Variants in TRIM14 observed in about 807,000 individuals in gnomAD.
TRIM14 encodes tripartite motif-containing protein 14.
TRIM14 carries 28 observed loss-of-function variants against 44.5 expected under a neutral mutation model. The ratio of observed to expected loss-of-function variants is 0.63; its 90% CI spans 0.47 to 0.86. TRIM14 has a LOEUF of 0.86. Among genes scored for constraint, TRIM14 ranks in the 40% least tolerant of loss-of-function variants. The probability of loss-of-function intolerance (pLI) is 0.00; values close to 1 mark genes in which losing one functional copy is unlikely to be tolerated. For missense variants in TRIM14, 607 were observed against 611.1 expected (o/e 0.99, Z 0.07); for synonymous variants, 299 against 269.2 (o/e 1.11, Z -1.08).
intron 4 of TRIM14, chr9:98,092,597 T>C (rs1257224148): frequency 8.3e-6 from 2 of 239,950 alleles, no homozygotes; most frequent in Non-Finnish European, 8.9e-6. Context: ...TAAATCAAGT[T>C]TTGCCTAAAG....
intron 5 of TRIM14, 22 bp from the exon 6 acceptor site, chr9:98,088,027 A>T (rs1372593661): frequency 7.4e-6 from 11 of 1,479,630 alleles, no homozygotes; most frequent in Non-Finnish European, 8.9e-6. Context: ...GAGACAAGGG[A>T]CGCACCTGGT....
chr9:98,042,698 C>T, the TRIM14 span, among the ~76,000 whole-genome samples: 3 of 151,980 alleles, frequency 2.0e-5, no homozygotes, highest in Non-Finnish European at 2.9e-5. Flanking sequence ...GGTGAAACCC[C>T]GTCTCTACTA....
intron 6 of TRIM14, among the ~76,000 whole-genome samples, chr9:98,072,280 C>T (rs544196741): frequency 6.6e-6 from 1 of 152,340 alleles, no homozygotes; most frequent in East Asian, 1.9e-4. Flanking sequence ...GATGGCTGTT[C>T]TGTGACTCAG....
chr9:98,076,966 G>C, intron 6 of TRIM14: 1 of 1,610,884 alleles, frequency 6.2e-7, no homozygotes, highest in Non-Finnish European at 8.5e-7. Context: ...TTTCAAAGTT[G>C]GATCTGGAGA....
intron 4 of TRIM14, among the ~76,000 whole-genome samples, chr9:98,092,223 T>C (rs899036639): frequency 2.0e-5 from 3 of 152,154 alleles, no homozygotes; most frequent in African/African-American, 7.2e-5. Flanking sequence ...GAACAACTAC[T>C]GGATCCAACA....
chr9:98,104,925 C>G (rs1368227445), intron 2 of TRIM14, among the ~76,000 whole-genome samples: 2 of 149,434 alleles, frequency 1.3e-5, no homozygotes, highest in Non-Finnish European at 3.0e-5. Context: ...GGATGCACCA[C>G]CAGGGAAAGA....
In TRIM14 at chr9:98,095,221, G is replaced by A. The variant is rs1183467583; in HGVS notation, c.538-192C>T. Among the ~76,000 whole-genome samples the A allele has an allele frequency of 6.6e-6, 1 of 152,252 alleles. No individual in the cohort carries two copies. Among genetic ancestry groups the A allele is most frequent in the Non-Finnish European group, 1.5e-5 (1 of 68,036 alleles). On this transcript the variant is annotated intron_variant, in intron 3 of 5. Coordinates refer to ENST00000341469, the MANE Select transcript of TRIM14 (RefSeq NM_014788.4). The surrounding 1 kb of genome is among the most constrained non-coding windows in gnomAD (Gnocchi z 4.1). The stretch of plus-strand genomic sequence containing the variant: ...ACCATACGGCATCCCTGAGGTGGGA[G>A]CCATGCGGAGGTGCGGTTTTTCAGT...
downstream of TRIM14, chr9:98,081,722 C>G (rs1829871394): frequency 6.6e-6 from 1 of 152,334 alleles, no homozygotes; most frequent in African/African-American, 2.4e-5. Flanking sequence ...CCTGGGGCTG[C>G]CAGGCACACA....
downstream of TRIM14, among the ~76,000 whole-genome samples, chr9:98,069,014 T>C (rs973856677): frequency 5.3e-5 from 8 of 152,200 alleles, no homozygotes; most frequent in African/African-American, 1.9e-4. Flanking sequence ...ATTCAACCAC[T>C]TAACATAGAC....
intron 6 of TRIM14, chr9:98,077,081 C>T: frequency 8.5e-7 from 1 of 1,180,610 alleles, no homozygotes; most frequent in Non-Finnish European, 1.2e-6. Context: ...TTACTCCCCT[C>T]ATGGTGGCCC....
rs1825740685 is a variant in TRIM14 at position 98,085,453 on chromosome 9, A to G, written c.*2017T>C. The G allele has an allele frequency of 6.6e-6, 1 of 152,212 alleles. No individual in the cohort carries two copies. The highest frequency in any genetic ancestry group is 2.1e-4 in the South Asian group (1 of 4,834). The allele number at this position is 152,212 out of a possible 1,614,324, so 9.4% of individuals were successfully genotyped here. The stretch of plus-strand genomic sequence containing the variant: ...CAGATGAGTTTAGTCGTAAAGCATT[A>G]AAACAGTGCATTATAAACTATTAAG... On this transcript the variant is annotated 3_prime_UTR_variant, in exon 6 of 6. Transcript: ENST00000341469.
chr9:98,047,432 A>G, the TRIM14 span, among the ~76,000 whole-genome samples: 1 of 152,140 alleles, frequency 6.6e-6, no homozygotes, highest in Middle Eastern at 3.2e-3. Context: ...AAAGATACCC[A>G]AAAAGATATT....
the TRIM14 span, chr9:98,056,928 C>A: frequency 6.2e-7 from 1 of 1,600,868 alleles, no homozygotes; most frequent in East Asian, 2.3e-5. Flanking sequence ...AGCGCATGAT[C>A]CGCATGGCCA....
At chr9:98,088,763 A>G (rs1248779789) in intron 5 of TRIM14, among the ~76,000 whole-genome samples, 2 of 152,232 alleles carry the variant, frequency 1.3e-5, no homozygotes, top group Non-Finnish European at 2.9e-5. Context: ...TCTGTAGAAT[A>G]TACTCCTAAA....
At chr9:98,078,752 T>C (rs1409159593) in intron 6 of TRIM14, among the ~76,000 whole-genome samples, 1 of 150,580 alleles carries the variant, frequency 6.6e-6, no homozygotes, top group Non-Finnish European at 1.5e-5. Context: ...GGAGAATCGC[T>C]TGAATTCAGG....
chr9:98,061,140 A>G, the TRIM14 span: 1 of 728,028 alleles, frequency 1.4e-6, no homozygotes, highest in Non-Finnish European at 2.3e-6. Context: ...CAGGCGCCAA[A>G]GCCCAGTGAG....
chr9:98,035,933 G>A, the TRIM14 span, among the ~76,000 whole-genome samples: 4 of 152,296 alleles, frequency 2.6e-5, no homozygotes, highest in South Asian at 4.1e-4. Flanking sequence ...CTTGTAGGCC[G>A]GGTGTGGTGG....
chr9:98,074,844 G>C (rs112708106), intron 6 of TRIM14: 6 of 152,152 alleles, frequency 3.9e-5, no homozygotes, highest in Non-Finnish European at 5.9e-5. Context: ...TCAGTGGAAG[G>C]TTCCTTCTTT....
At chr9:98,050,119 G>C in the TRIM14 span, among the ~76,000 whole-genome samples, 1 of 152,198 alleles carries the variant, frequency 6.6e-6, no homozygotes, top group Non-Finnish European at 1.5e-5. Flanking sequence ...GGAACAATTG[G>C]CTACATTTGA....
Sources: allele counts gnomAD v4.1 joint callset (sites outside exome capture counted in the v4.1 genomes callset), GRCh38; gene constraint gnomAD v4.1.1; non-coding constraint Gnocchi (gnomAD v3.1); transcripts MANE v1.5; gene names NCBI Gene and HGNC (gene_info 2026-07-23, HGNC 2026-07-21).